The following ME3 variants were observed in gnomAD, a reference collection of about 807,000 sequenced individuals.
ME3 encodes malic enzyme 3.
A neutral mutation model predicts 68.9 loss-of-function variants in ME3; 48 were observed. The ratio of observed to expected loss-of-function variants is 0.70; its 90% CI spans 0.55 to 0.89. The LOEUF is 0.89. Ranked by LOEUF, ME3 falls within the 40% of genes least tolerant of loss-of-function variation. The probability of loss-of-function intolerance (pLI) is 0.00; values close to 1 mark genes in which losing one functional copy is unlikely to be tolerated. For synonymous variants in ME3, 320 were observed against 318.8 expected (o/e 1.00, Z -0.04); for missense variants, 675 against 797.4 (o/e 0.85, Z 1.85).
chr11:86,441,811 A>G (rs895198283), intron 14 of ME3, among the ~76,000 whole-genome samples: 10 of 151,842 alleles, frequency 6.6e-5, no homozygotes, highest in South Asian at 6.3e-4. Flanking sequence ...CAAGAGGCAA[A>G]TGTGTCCAGA....
chr11:86,446,304 A>G lies in ME3; in HGVS notation c.1554+10T>C. 4 of 1,613,638 alleles carry G rather than the reference A, an allele frequency of 2.5e-6. No individual in the cohort carries two copies. Among genetic ancestry groups the G allele is most frequent in the South Asian group, 1.1e-5 (1 of 91,048 alleles). On this transcript the variant is annotated intron_variant, in intron 13 of 14. Coordinates refer to ENST00000543262, the Ensembl canonical transcript of ME3. ...ACTGCAAGCATTTGAGGGAGCAAGG[A>G]CAGTGATACCTCTGCTGTCAGGAGG...
At chr11:86,462,391 A>G (rs1252702601) in intron 8 of ME3, among the ~76,000 whole-genome samples, 1 of 152,238 alleles carries the variant, frequency 6.6e-6, no homozygotes, top group African/African-American at 2.4e-5. Flanking sequence ...CTTCTGGTCA[A>G]CAGTAGGCTA....
At chr11:86,601,867 A>C (rs1450110555) in intron 2 of ME3, among the ~76,000 whole-genome samples, 1 of 150,310 alleles carries the variant, frequency 6.7e-6, no homozygotes, top group Non-Finnish European at 1.5e-5. Context: ...TGATTATCTC[A>C]ATAGATGCAG....
At chr11:86,453,219 C>G (rs907934062) in intron 8 of ME3, among the ~76,000 whole-genome samples, 1 of 152,088 alleles carries the variant, frequency 6.6e-6, no homozygotes, top group Admixed American at 6.5e-5. Context: ...AGGCTGGTCT[C>G]GAACTCCTGA....
chr11:86,436,398 T>A (rs1408089315), downstream of ME3: 2 of 152,096 alleles, frequency 1.3e-5, no homozygotes, highest in Non-Finnish European at 2.9e-5. Context: ...CTTTATATAT[T>A]CCGGATCCAG....
chr11:86,622,703 C>T (rs2135273594), intron 2 of ME3: 1 of 152,146 alleles, frequency 6.6e-6, no homozygotes, highest in African/African-American at 2.4e-5. Context: ...TTTCTTGTTT[C>T]TTCTCCCACT....
intron 4 of ME3, among the ~76,000 whole-genome samples, chr11:86,514,943 G>A (rs977849878): frequency 6.6e-6 from 1 of 152,178 alleles, no homozygotes; most frequent in Non-Finnish European, 1.5e-5. Flanking sequence ...CTCATAGTAA[G>A]TATTTGGTAA....
intron 2 of ME3, among the ~76,000 whole-genome samples, chr11:86,630,831 A>G (rs1015150020): frequency 6.6e-5 from 10 of 152,260 alleles, no homozygotes; most frequent in Non-Finnish European, 1.3e-4. Flanking sequence ...AGTGCCACAC[A>G]GAGTATGCAG....
At chr11:86,542,424 A>C (rs1956106082) in intron 4 of ME3, among the ~76,000 whole-genome samples, 1 of 152,198 alleles carries the variant, frequency 6.6e-6, no homozygotes, top group Non-Finnish European at 1.5e-5. Context: ...AGTTAGAGGA[A>C]TTGCTAACTA....
chr11:86,551,131 G>T (rs946169848), intron 4 of ME3, among the ~76,000 whole-genome samples: 8 of 152,106 alleles, frequency 5.3e-5, no homozygotes, highest in Non-Finnish European at 1.2e-4. Flanking sequence ...TCCTCTTATG[G>T]GTATGGGGTG....
At chr11:86,578,787 CTGTT>C (rs749026453) in intron 2 of ME3, among the ~76,000 whole-genome samples, 6 of 152,234 alleles carry the variant, frequency 3.9e-5, no homozygotes, top group Middle Eastern at 3.4e-3. Context: ...TTTGTAACAA[CTGTT>C]TACACTTCAC....
At chr11:86,468,485 A>G (rs1447396188) in intron 7 of ME3, among the ~76,000 whole-genome samples, 3 of 152,140 alleles carry the variant, frequency 2.0e-5, no homozygotes, top group East Asian at 3.9e-4. Context: ...ATCCAAACAC[A>G]TTCATTGAGC....
In ME3 at chr11:86,619,651, A is replaced by T. The variant is rs1447697632; in HGVS notation, c.183+52111T>A. Among the ~76,000 whole-genome samples, 17 of 152,188 alleles carry T rather than the reference A, an allele frequency of 1.1e-4. 1 individual carries two copies. The highest frequency in any genetic ancestry group is 1.1e-3 in the Admixed American group (17 of 15,272). On this transcript the variant is annotated intron_variant, in intron 2 of 14. Transcript: ENST00000543262. Reference sequence around the variant, plus strand: ...TCTTTCTTGTCCTCTGCCATGTAAGACGTGCTTCTACCTTCTGCCATGACT... The same window carrying T: ...TCTTTCTTGTCCTCTGCCATGTAAGTCGTGCTTCTACCTTCTGCCATGACT...
intron 2 of ME3, among the ~76,000 whole-genome samples, chr11:86,564,005 G>A (rs1957360167): frequency 6.6e-6 from 1 of 152,122 alleles, no homozygotes; most frequent in Admixed American, 6.5e-5. Flanking sequence ...AGCTTAATAG[G>A]AATAGCATTG....
intron 4 of ME3, among the ~76,000 whole-genome samples, chr11:86,518,752 G>A (rs1954062081): frequency 6.6e-6 from 1 of 152,150 alleles, no homozygotes; most frequent in Admixed American, 6.5e-5. Flanking sequence ...ACCCTATTTG[G>A]AATAGGGTCT....
At chr11:86,461,596 A>G (rs1220347597) in intron 8 of ME3, among the ~76,000 whole-genome samples, 1 of 152,182 alleles carries the variant, frequency 6.6e-6, no homozygotes, top group Non-Finnish European at 1.5e-5. Context: ...GCACTGGGCT[A>G]AAATAGTTAA....
intron 7 of ME3, among the ~76,000 whole-genome samples, chr11:86,474,100 G>C (rs551503786): frequency 7.4e-4 from 112 of 152,290 alleles, no homozygotes; most frequent in Non-Finnish European, 1.4e-3. Context: ...CCCATGATGT[G>C]AGGGTGGACC....
intron 2 of ME3, among the ~76,000 whole-genome samples, chr11:86,562,354 C>G (rs1035475768): frequency 6.6e-6 from 1 of 152,106 alleles, no homozygotes; most frequent in African/African-American, 2.4e-5. Flanking sequence ...TGTAAATATT[C>G]CTGTGCAGGT....
intron 2 of ME3, among the ~76,000 whole-genome samples, chr11:86,561,447 A>G (rs374395999): frequency 6.6e-6 from 1 of 152,324 alleles, no homozygotes; most frequent in Non-Finnish European, 1.5e-5. Flanking sequence ...ACATGTGTAT[A>G]TTAAGACTGG....
Sources: allele counts gnomAD v4.1 joint callset (sites outside exome capture counted in the v4.1 genomes callset), GRCh38; gene constraint gnomAD v4.1.1; transcripts MANE v1.5; gene names NCBI Gene and HGNC (gene_info 2026-07-23, HGNC 2026-07-21).